The following CWC22 variants were observed in gnomAD, a reference collection of about 807,000 sequenced individuals.
CWC22 encodes pre-mRNA-splicing factor CWC22 homolog.
A neutral mutation model predicts 117.2 loss-of-function variants in CWC22; 53 were observed. The observed-to-expected ratio is 0.45, with a 90% CI of 0.36 to 0.57. The LOEUF (loss-of-function observed/expected upper bound fraction) is 0.57, where lower values mean the gene tolerates loss of function less well. Among genes scored for constraint, CWC22 ranks in the 20% least tolerant of loss-of-function variants. The probability of loss-of-function intolerance (pLI) is 0.00; values close to 1 mark genes in which losing one functional copy is unlikely to be tolerated. For missense variants in CWC22, 980 were observed against 1,068.8 expected, an observed-to-expected ratio of 0.92 and a Z score of 1.16; for synonymous variants, 360 against 355.6, an observed-to-expected ratio of 1.01 and a Z score of -0.14.
chr2:179,971,185 C>T, intron 8 of CWC22, 109 bp from the exon 9 acceptor site: 2 of 742,092 alleles, frequency 2.7e-6, no homozygotes, highest in Non-Finnish European at 2.0e-6. Flanking sequence ...TTATATTGCA[C>T]ATATGATGGG....
chr2:179,950,770 GACAATTATGAGA>G, intron 18 of CWC22, 38 bp from the exon 19 acceptor site: 1 of 1,598,312 alleles, frequency 6.3e-7, no homozygotes, highest in Non-Finnish European at 8.6e-7. Flanking sequence ...CTATTTCAAA[GACAATTATGAGA>G]TAATTTTATA....
intron 8 of CWC22, among the ~76,000 whole-genome samples, chr2:179,972,473 T>C (rs1480238550): frequency 6.6e-6 from 1 of 152,160 alleles, no homozygotes; most frequent in Non-Finnish European, 1.5e-5. Flanking sequence ...TAAAAATATA[T>C]GACTATACCT....
intron 13 of CWC22, among the ~76,000 whole-genome samples, chr2:179,961,995 T>C (rs1686764086): frequency 6.6e-6 from 1 of 152,232 alleles, no homozygotes; most frequent in Admixed American, 6.5e-5. Flanking sequence ...CAAATGGTTT[T>C]GTTGATGTGT....
chr2:179,969,083 G>C (rs1242975859), intron 11 of CWC22, among the ~76,000 whole-genome samples: 1 of 152,112 alleles, frequency 6.6e-6, no homozygotes, highest in Non-Finnish European at 1.5e-5. Flanking sequence ...TTTGAGAACT[G>C]CTATAATAAA....
In CWC22 at chr2:179,966,772, G is replaced by A. The variant is rs1559289236; in HGVS notation, c.1211-790C>T. ...GCCTGATAAAAGACTTTGCATACCT[G>A]ACCAACTCTTTACTTTCGCATTTCT... On this transcript the variant is annotated intron_variant, in intron 11 of 19. Transcript: ENST00000410053. Among the ~76,000 whole-genome samples, 4 of 152,120 alleles carry A rather than the reference G, an allele frequency of 2.6e-5. No homozygotes were observed. The South Asian group carries it at 8.3e-4, about 31-fold the overall frequency.
At chr2:179,979,453 A>T (rs942068074) in intron 5 of CWC22, among the ~76,000 whole-genome samples, 2 of 152,154 alleles carry the variant, frequency 1.3e-5, no homozygotes, top group Admixed American at 6.5e-5. Context: ...TAAAGATTCA[A>T]TTTTTTCCCC....
In CWC22 at chr2:179,973,371, T is replaced by C. The variant is rs893759424; in HGVS notation, c.751-125A>G. On this transcript the variant is annotated intron_variant, in intron 7 of 19. Transcript: ENST00000410053. ...CCACACAAGTATAATTTTTACATTA[T>C]AAGAAAGTTACAAAATAAAACACAT... 17 of 708,734 alleles carry C rather than the reference T, an allele frequency of 2.4e-5. 1 individual carries two copies. The South Asian group carries it at 3.2e-4, about 13-fold the overall frequency. 43.9% of individuals were successfully genotyped at this position (708,734 alleles called of 1,614,324 possible). A position where few individuals can be genotyped will look rare whatever the true frequency, so the allele number is the denominator to read the frequency against.
intron 11 of CWC22, among the ~76,000 whole-genome samples, chr2:179,968,631 G>C (rs540071834): frequency 1.3e-5 from 2 of 151,628 alleles, no homozygotes; most frequent in East Asian, 1.9e-4. Flanking sequence ...GCAGTGGCGT[G>C]ATCTTGGCTC....
At chr2:179,986,551 T>C (rs535678015) in intron 4 of CWC22, 144 bp downstream of exon 4, 1 of 519,848 alleles carries the variant, frequency 1.9e-6, no homozygotes, top group South Asian at 3.0e-5. Context: ...AGTTAATTCA[T>C]ATAAAGCCCT....
At chr2:179,956,665 G>C (rs546164779) in intron 14 of CWC22, among the ~76,000 whole-genome samples, 1 of 151,036 alleles carries the variant, frequency 6.6e-6, no homozygotes, top group African/African-American at 2.4e-5. Context: ...TTATAAATGT[G>C]TAAGTTCTGA....
Position 179,950,791 on chromosome 2 carries a change from T to C in CWC22, c.1919+34A>G, listed in dbSNP as rs1414910359. 1.2e-5 allele frequency: 19 copies of C among 1,600,632 alleles called. No homozygotes were observed. In the East Asian group the frequency reaches 3.8e-4, roughly 32 times the overall value. On this transcript the variant is annotated intron_variant, in intron 18 of 19. Transcript: ENST00000410053. ...CAAAGACAATTATGAGATAATTTTATAATCTGAACATAAATTCTGAGAATA... is the reference window on the plus strand; with the variant it reads ...CAAAGACAATTATGAGATAATTTTACAATCTGAACATAAATTCTGAGAATA...
At chr2:179,997,701 T>C (rs915304533) in intron 1 of CWC22, among the ~76,000 whole-genome samples, 1 of 152,200 alleles carries the variant, frequency 6.6e-6, no homozygotes, top group Non-Finnish European at 1.5e-5. Context: ...GTACATTTGT[T>C]CCCCAACAAA....
Position 179,973,653 on chromosome 2 carries a change from C to A in CWC22, c.731G>T (p.Gly244Val), listed in dbSNP as rs1471201003. Residue 244 changes from glycine (G) to valine (V), a missense_variant, in exon 7 of 20, where the codon GGC (glycine) becomes GTC (valine). Physicochemically the swap from Gly to Val is moderately radical, Grantham distance 109. This residue lies in a region of CWC22 where 559 missense variants were observed against 602.3 expected (regional missense o/e 0.93). Transcript: ENST00000410053. ...LKRLILNFRK[G>V]YRRNDKQLCL... is the part of the protein sequence containing the mutation. ...ATATACCTTGTCATTTCTTCGATAG[C>A]CTTTTCGAAAATTAAGAATTAACCT... 1.9e-6 allele frequency: 3 copies of A among 1,603,434 alleles called. No individual in the cohort carries two copies. The highest frequency in any genetic ancestry group is 1.7e-5 in the Admixed American group (1 of 59,008).
intron 4 of CWC22, among the ~76,000 whole-genome samples, chr2:179,983,066 C>G (rs1304857017): frequency 6.6e-6 from 1 of 152,012 alleles, no homozygotes; most frequent in African/African-American, 2.4e-5. Context: ...AGTCATCTTC[C>G]CAGGTAGCTG....
chr2:179,964,435 T>C, intron 13 of CWC22, 112 bp downstream of exon 13: 1 of 576,236 alleles, frequency 1.7e-6, no homozygotes, highest in Non-Finnish European at 3.1e-6. Context: ...AGTCTAAGAA[T>C]GCTGAAATGG....
chr2:179,986,728 C>G lies in CWC22; in HGVS notation c.173G>C (p.Arg58Thr). 8 of 1,607,574 alleles carry G rather than the reference C, an allele frequency of 5.0e-6. No individual in the cohort carries two copies. Among genetic ancestry groups the G allele is most frequent in the Non-Finnish European group, 6.8e-6 (8 of 1,175,628 alleles). ...YSRSDYEHSR[R>T]GRSYDSSMES... ...CATGCTACTATCATAAGAACGTCCT[C>G]TTCTTGAATGCTCATAGTCTGATCT... The change falls in exon 4 of 20, where the codon AGA becomes ACA. Residue 58 changes from arginine to threonine, a missense_variant. By Grantham distance (71) the Arg-to-Thr change is moderately conservative (BLOSUM62 -1). This residue lies in a region of CWC22 where 559 missense variants were observed against 602.3 expected (regional missense o/e 0.93). Transcript: ENST00000410053.
chr2:179,990,206 T>C (rs998772440), intron 2 of CWC22, among the ~76,000 whole-genome samples: 1 of 152,172 alleles, frequency 6.6e-6, no homozygotes, highest in Non-Finnish European at 1.5e-5. Flanking sequence ...CTGTATCTAA[T>C]ATAAGAAAGT....
intron 16 of CWC22, 45 bp from the exon 17 acceptor site, chr2:179,952,643 AAGAC>A: frequency 8.7e-7 from 1 of 1,144,396 alleles, no homozygotes; most frequent in Non-Finnish European, 1.2e-6. Flanking sequence ...TAATTTATAA[AAGAC>A]AGGACATAGT....
intron 17 of CWC22, 86 bp from the exon 18 acceptor site, chr2:179,951,012 A>G: frequency 5.0e-6 from 4 of 804,716 alleles, no homozygotes; most frequent in Non-Finnish European, 7.9e-6. Context: ...GATTTTTCAT[A>G]TATTAAATTA....
Sources: gnomAD v4.1 joint callset for allele counts (sites outside exome capture counted in the v4.1 genomes callset) on GRCh38, gnomAD v4.1.1 for gene constraint, gnomAD v4.1.1 regional missense constraint, MANE v1.5 for transcripts, NCBI Gene and HGNC (gene_info 2026-07-23, HGNC 2026-07-21) for gene names.